Variants in SLC35A3 observed in about 807,000 individuals in gnomAD.
SLC35A3 encodes the protein solute carrier family 35 member A3.
SLC35A3 carries 26 observed loss-of-function variants against 39.0 expected under a neutral mutation model. The ratio of observed to expected loss-of-function variants is 0.67; its 90% confidence interval spans 0.49 to 0.92. The LOEUF is 0.92. SLC35A3 is among the 40% of genes least tolerant of loss of function. The pLI is 0.00. For missense variants in SLC35A3, 299 were observed against 371.6 expected (o/e 0.80, Z 1.61); for synonymous variants, 135 against 133.1 (o/e 1.01, Z -0.10).
intron 2 of SLC35A3, among the ~76,000 whole-genome samples, chr1:99,998,344 G>C (rs1658545612): frequency 6.6e-6 from 1 of 151,838 alleles, no homozygotes; most frequent in South Asian, 2.1e-4. Context: ...TTTTTTTTGA[G>C]ACAGGTTCTC....
At chr1:99,983,392 A>T (rs1324083829) in intron 1 of SLC35A3, among the ~76,000 whole-genome samples, 1 of 151,694 alleles carries the variant, frequency 6.6e-6, no homozygotes, top group Non-Finnish European at 1.5e-5. Flanking sequence ...ACAAAAAATT[A>T]GCCGGGCGTG....
chr1:99,995,790 AGAG>A (rs1434754296), intron 2 of SLC35A3, among the ~76,000 whole-genome samples: 1 of 152,176 alleles, frequency 6.6e-6, no homozygotes, highest in Non-Finnish European at 1.5e-5. Context: ...GTATACTAGA[AGAG>A]GAGAAGGCCA....
At chr1:100,006,713 GC>G in intron 3 of SLC35A3, among the ~76,000 whole-genome samples, 1 of 152,290 alleles carries the variant, frequency 6.6e-6, no homozygotes, top group Non-Finnish European at 1.5e-5. Flanking sequence ...TGATACCCAG[GC>G]CCCTAGATTG....
rs1660918481 is a variant in SLC35A3 at position 100,026,500 on chromosome 1, A to AT, written c.*4029dup. On this transcript the variant is annotated 3_prime_UTR_variant, in exon 8 of 8. Transcript: ENST00000533028. ...CTGTAGACACATGGGCAAAATTAGG[A>AT]TTTTTAAGAATAAATACATTTCTAT... 1 of 152,164 alleles carries AT rather than the reference A, an allele frequency of 6.6e-6. No individual in the cohort carries two copies. Among genetic ancestry groups the AT allele is most frequent in the South Asian group, 2.1e-4 (1 of 4,838 alleles). The allele number at this position is 152,164 out of a possible 1,614,324, so 9.4% of individuals were successfully genotyped here. A position where few individuals can be genotyped will look rare whatever the true frequency, so the allele number is the denominator to read the frequency against.
intron 1 of SLC35A3, among the ~76,000 whole-genome samples, chr1:99,992,162 G>A (rs2101123693): frequency 6.6e-6 from 1 of 152,052 alleles, no homozygotes; most frequent in South Asian, 2.1e-4. Flanking sequence ...AGAAAGGTAG[G>A]GTAAAAATCT....
At chr1:100,018,785 G>T (rs1459465074) in intron 7 of SLC35A3, among the ~76,000 whole-genome samples, 2 of 152,152 alleles carry the variant, frequency 1.3e-5, no homozygotes, top group African/African-American at 4.8e-5. Context: ...GAACTCATTT[G>T]TGTTTTTGAG....
chr1:100,035,359 C>A lies in SLC35A3; in HGVS notation c.*12883C>A, dbSNP rs565708. ...CTGTATTCACAACCCAAATCACATA[C>A]AAAGCGACAAGTTCATACACAATAG... On this transcript the variant is annotated 3_prime_UTR_variant, in exon 8 of 8. Coordinates refer to ENST00000533028, the MANE Select transcript of SLC35A3 (RefSeq NM_012243.3). 8,948 of 152,234 alleles carry A rather than the reference C, an allele frequency of 0.059. 344 individuals carry two copies. The highest frequency in any genetic ancestry group is 0.1 in the African/African-American group (4,324 of 41,518). 9.4% of individuals were successfully genotyped at this position (152,234 alleles called of 1,614,324 possible).
At chr1:99,989,238 T>C (rs1657932680) in intron 1 of SLC35A3, among the ~76,000 whole-genome samples, 2 of 152,216 alleles carry the variant, frequency 1.3e-5, no homozygotes, top group Non-Finnish European at 2.9e-5. Flanking sequence ...CTATGCCTAT[T>C]AGTCACTCAT....
chr1:99,973,503 A>G (rs1656933293), intron 1 of SLC35A3, among the ~76,000 whole-genome samples: 1 of 152,182 alleles, frequency 6.6e-6, no homozygotes, highest in Admixed American at 6.5e-5. Context: ...AGTGTTTTAT[A>G]TATAAGTGTG....
intron 1 of SLC35A3, among the ~76,000 whole-genome samples, chr1:99,983,666 C>A (rs1657587445): frequency 6.6e-6 from 1 of 151,752 alleles, no homozygotes; most frequent in Admixed American, 6.6e-5. Flanking sequence ...TGCTCTCTCA[C>A]CCAGGCTGGA....
At position 100,024,024 on chromosome 1, in the gene SLC35A3, A is replaced by G. The variant is rs1660726315; in HGVS notation, c.*1548A>G. On this transcript the variant is annotated 3_prime_UTR_variant, in exon 8 of 8. Coordinates refer to ENST00000533028, the MANE Select transcript of SLC35A3 (RefSeq NM_012243.3). ...TCTGTCTCAAAAAAAAGAAAAAAAA[A>G]AAAGCTACTGAGAAGGAGCCACCAT... 6.6e-6 allele frequency: 1 copy of G among 152,050 alleles called. No individual in the cohort carries two copies. The highest frequency in any genetic ancestry group is 2.4e-5 in the African/African-American group (1 of 41,386). The allele number at this position is 152,050 out of a possible 1,614,324, so 9.4% of individuals were successfully genotyped here.
Position 100,025,203 on chromosome 1 carries a change from A to G in SLC35A3, c.*2727A>G, listed in dbSNP as rs962848462. 1 of 152,364 alleles carries G rather than the reference A, an allele frequency of 6.6e-6. No individual in the cohort carries two copies. Among genetic ancestry groups the G allele is most frequent in the African/African-American group, 2.4e-5 (1 of 41,482 alleles). The allele number at this position is 152,364 out of a possible 1,614,324, so 9.4% of individuals were successfully genotyped here. A position where few individuals can be genotyped will look rare whatever the true frequency, so the allele number is the denominator to read the frequency against. ...CTTACATTATTACTTACTGCTAAGT[A>G]AAATCTAAATCCTGCAAATGCACAG... On this transcript the variant is annotated 3_prime_UTR_variant, in exon 8 of 8. Transcript: ENST00000533028.
Position 100,007,045 on chromosome 1 carries a change from G to A in SLC35A3, c.354G>A (p.Gln118=). ...GTTTTCTTTTTCAGGTCACGTATCA[G>A]TTAAAAATTCTTACAACAGCATTAT... The part of the protein sequence containing the change: ...LDAATYQVTY[Q]LKILTTALFS... Residue 118 remains glutamine (Q), a synonymous_variant, in exon 4 of 8, where the codon CAG becomes CAA. Coordinates refer to ENST00000533028, the MANE Select transcript of SLC35A3 (RefSeq NM_012243.3). The A allele has an allele frequency of 6.2e-7, 1 of 1,607,034 alleles. No individual in the cohort carries two copies. Among genetic ancestry groups the A allele is most frequent in the South Asian group, 1.1e-5 (1 of 88,878 alleles).
chr1:100,003,416 CAAAAAAAA>C (rs34020224), intron 3 of SLC35A3, among the ~76,000 whole-genome samples: 1 of 57,178 alleles, frequency 1.7e-5, no homozygotes, highest in Non-Finnish European at 3.4e-5. Flanking sequence ...AACTCCATCT[CAAAAAAAA>C]AAAAAAAAAA....
rs1018192690 is a variant in SLC35A3 at position 100,029,604 on chromosome 1, T to C, written c.*7128T>C. 2 of 152,092 alleles carry C rather than the reference T, an allele frequency of 1.3e-5. No individual in the cohort carries two copies. Among genetic ancestry groups the C allele is most frequent in the African/African-American group, 4.8e-5 (2 of 41,390 alleles). 9.4% of individuals were successfully genotyped at this position (152,092 alleles called of 1,614,324 possible). On this transcript the variant is annotated 3_prime_UTR_variant, in exon 8 of 8. Transcript: ENST00000533028. Reference sequence around the variant, plus strand: ...CACCACCACGCCCAACTAATTTTTGTATTTTTGGTAGAGACGGGTTTTCAC... The same window carrying C: ...CACCACCACGCCCAACTAATTTTTGCATTTTTGGTAGAGACGGGTTTTCAC...
intron 1 of SLC35A3, among the ~76,000 whole-genome samples, chr1:99,990,557 C>T (rs1002841344): frequency 2.6e-5 from 4 of 151,970 alleles, no homozygotes; most frequent in Admixed American, 6.6e-5. Context: ...CTGGTGACAG[C>T]GAGACTCCGT....
In SLC35A3 at chr1:100,027,806, G is replaced by A. The variant is rs1660997817; in HGVS notation, c.*5330G>A. The A allele has an allele frequency of 6.6e-6, 1 of 152,056 alleles. No individual in the cohort carries two copies. Among genetic ancestry groups the A allele is most frequent in the Non-Finnish European group, 1.5e-5 (1 of 68,004 alleles). The allele number at this position is 152,056 out of a possible 1,614,324, so 9.4% of individuals were successfully genotyped here. ...ATATTTTTCTTTGGCAACCTCTCAT[G>A]AAAAGCACTAACTAAAAATATTTAA... is the stretch of plus-strand genomic sequence containing the variant. On this transcript the variant is annotated 3_prime_UTR_variant, in exon 8 of 8. Transcript: ENST00000533028.
intron 5 of SLC35A3, among the ~76,000 whole-genome samples, chr1:100,012,929 C>A (rs988236858): frequency 2.6e-5 from 4 of 152,160 alleles, no homozygotes; most frequent in African/African-American, 9.7e-5. Flanking sequence ...TGAGCTTGGG[C>A]AAGTTATGTA....
At position 100,028,290 on chromosome 1, in the gene SLC35A3, G is replaced by C. The variant is rs1167101167; in HGVS notation, c.*5814G>C. 6.6e-6 allele frequency: 1 copy of C among 151,280 alleles called. No homozygotes were observed. The highest frequency in any genetic ancestry group is 6.6e-5 in the Admixed American group (1 of 15,198). 9.4% of individuals were successfully genotyped at this position (151,280 alleles called of 1,614,324 possible). On this transcript the variant is annotated 3_prime_UTR_variant, in exon 8 of 8. Coordinates refer to ENST00000533028, the MANE Select transcript of SLC35A3 (RefSeq NM_012243.3). Reference sequence around the variant, plus strand: ...AGTGACCAGCATTAGTAATCATACTGGTGGGGTTTTTTGGGGTGTTTTTCT... The same window carrying C: ...AGTGACCAGCATTAGTAATCATACTCGTGGGGTTTTTTGGGGTGTTTTTCT...
Sources: allele counts gnomAD v4.1 joint callset (sites outside exome capture counted in the v4.1 genomes callset), GRCh38; gene constraint gnomAD v4.1.1; transcripts MANE v1.5; gene names NCBI Gene and HGNC (gene_info 2026-07-23, HGNC 2026-07-21).